Variants in HERC1 observed in about 807,000 individuals in gnomAD.
HERC1 encodes HECT and RLD domain containing E3 ubiquitin protein ligase family member 1.
A neutral mutation model predicts 554.3 loss-of-function variants in HERC1; 160 were observed. That is an observed-to-expected ratio of 0.29 (90% CI 0.25 to 0.33). The LOEUF (loss-of-function observed/expected upper bound fraction) is 0.33, where lower values mean the gene tolerates loss of function less well. Ranked by LOEUF, HERC1 falls within the 10% of genes least tolerant of loss-of-function variation. The pLI is 1.00. For missense variants in HERC1, 4,919 were observed against 5,918.5 expected (o/e 0.83, Z 5.54); for synonymous variants, 2,175 against 2,131.7 (o/e 1.02, Z -0.56).
Position 63,718,192 on chromosome 15 carries a change from A to T in HERC1, c.3978+382T>A, listed in dbSNP as rs548686050. On this transcript the variant is annotated intron_variant, in intron 21 of 77. Transcript: ENST00000443617. The surrounding 1 kb of genome is among the most constrained non-coding windows in gnomAD (Gnocchi z 4.2). ...ATACTTTCTAGTCCTTCTATGACAT[A>T]ATTTTTGGACTTTATCAATCCAAGG... is the stretch of plus-strand genomic sequence containing the variant. Among the ~76,000 whole-genome samples, 1 of 151,760 alleles carries T rather than the reference A, an allele frequency of 6.6e-6. No homozygotes were observed. The highest frequency in any genetic ancestry group is 1.5e-5 in the Non-Finnish European group (1 of 67,978).
chr15:63,616,546 A>C lies in HERC1; in HGVS notation c.13825T>G (p.Cys4609Gly), dbSNP rs1566941186. The change falls in exon 75 of 78, where the codon TGC becomes GGC. Residue 4609 changes from cysteine to glycine, a missense_variant. By Grantham distance (159) the Cys-to-Gly change is radical. Transcript: ENST00000443617. The stretch of plus-strand genomic sequence containing the variant: ...TCCTCTAGGGTGAGTGGGACACAGC[A>C]CAGCTGCTTCCACACCAGAGGGGCC... ...HLAPLVWKQL[C>G]CVPLTLEDLE... is the part of the protein sequence containing the mutation. 3 of 1,613,902 alleles carry C rather than the reference A, an allele frequency of 1.9e-6. No homozygotes were observed. Among genetic ancestry groups the C allele is most frequent in the Non-Finnish European group, 2.5e-6 (3 of 1,179,898 alleles).
At chr15:63,807,600 C>G (rs1193538408) in intron 1 of HERC1, among the ~76,000 whole-genome samples, 2 of 152,192 alleles carry the variant, frequency 1.3e-5, no homozygotes, top group Non-Finnish European at 2.9e-5. Flanking sequence ...TATTTCCTGT[C>G]AGGACCCTCA....
chr15:63,632,539 T>C, intron 68 of HERC1, 170 bp downstream of exon 68: 1 of 686,960 alleles, frequency 1.5e-6, no homozygotes, highest in Admixed American at 2.1e-5. Flanking sequence ...GTCTTTATAA[T>C]AAAGCACATG....
intron 19 of HERC1, among the ~76,000 whole-genome samples, chr15:63,721,819 T>C (rs1260654993): frequency 3.3e-5 from 5 of 152,178 alleles, no homozygotes; most frequent in Admixed American, 3.3e-4. Context: ...AGAAATCAGG[T>C]ACAGCCTTTG....
intron 24 of HERC1, among the ~76,000 whole-genome samples, chr15:63,708,938 T>C (rs1010772814): frequency 2.6e-5 from 4 of 152,208 alleles, no homozygotes; most frequent in Admixed American, 6.5e-5. Context: ...GTCTTTTCCA[T>C]CTTTTGACAC....
chr15:63,775,292 T>A lies in HERC1; in HGVS notation c.332A>T (p.Gln111Leu), dbSNP rs1276137644. 1 of 1,614,016 alleles carries A rather than the reference T, an allele frequency of 6.2e-7. No individual in the cohort carries two copies. Among genetic ancestry groups the A allele is most frequent in the African/African-American group, 1.3e-5 (1 of 75,064 alleles). ...GALRKRLLVL[Q>L]RVFYALSNKY... ...ATTAGAAAGTGCATAAAAGACACGCTGGAGTACAAGCAGTCGTTTTCTAAG... is the reference window on the plus strand; with the variant it reads ...ATTAGAAAGTGCATAAAAGACACGCAGGAGTACAAGCAGTCGTTTTCTAAG... Residue 111 changes from glutamine to leucine, a missense_variant, in exon 2 of 78, where the codon CAG becomes CTG. By Grantham distance (113) the Gln-to-Leu change is moderately radical. Transcript: ENST00000443617. The surrounding 1 kb of genome is among the most constrained non-coding windows in gnomAD (Gnocchi z 4.0).
At position 63,747,745 on chromosome 15, in the gene HERC1, G is replaced by A; in HGVS notation, c.2333C>T (p.Pro778Leu). 1.9e-6 allele frequency: 3 copies of A among 1,548,864 alleles called. No homozygotes were observed. Among genetic ancestry groups the A allele is most frequent in the Non-Finnish European group, 2.6e-6 (3 of 1,144,710 alleles). ...ATACCTTGATGAAGGGAAAGGGAGTGGGGGAATCTCACTGTTTATTTTATC... is the reference window on the plus strand; with the variant it reads ...ATACCTTGATGAAGGGAAAGGGAGTAGGGGAATCTCACTGTTTATTTTATC... ...YCDKINSEIP[P>L]LPFPSSREHH... The change falls in exon 11 of 78, where the codon CCA (proline) becomes CTA (leucine). Residue 778 changes from proline to leucine, a missense_variant. Physicochemically the swap from Pro to Leu is moderately conservative, Grantham distance 98. This residue lies in a region of HERC1 where 744 missense variants were observed against 1,090.0 expected (regional missense o/e 0.68). Coordinates refer to ENST00000443617, the MANE Select transcript of HERC1 (RefSeq NM_003922.4).
At chr15:63,668,939 T>C (rs537193538) in intron 40 of HERC1, among the ~76,000 whole-genome samples, 12 of 152,328 alleles carry the variant, frequency 7.9e-5, no homozygotes, top group Admixed American at 7.2e-4. Context: ...AAACAATTTA[T>C]AGAACACTCA....
chr15:63,691,717 C>A (rs865783833), intron 31 of HERC1, among the ~76,000 whole-genome samples: 1 of 151,404 alleles, frequency 6.6e-6, no homozygotes, highest in Non-Finnish European at 1.5e-5. Context: ...TATAAAATAC[C>A]ATGTGCCGTA....
At chr15:63,653,195 C>A (rs950126312) in intron 51 of HERC1, among the ~76,000 whole-genome samples, 1 of 152,156 alleles carries the variant, frequency 6.6e-6, no homozygotes, top group African/African-American at 2.4e-5. Context: ...AATCCCAGCA[C>A]TGTGGGAGGC....
chr15:63,829,263 T>TA (rs200246221), intron 1 of HERC1, among the ~76,000 whole-genome samples: 6 of 149,540 alleles, frequency 4.0e-5, no homozygotes, highest in East Asian at 2.0e-4. Context: ...TACTAAAAAT[T>TA]AAAAAAAAAT....
chr15:63,749,593 A>T lies in HERC1; in HGVS notation c.2047+54T>A. ...AAGAAAAGCCAAATTCAAATGTAAT[A>T]TATTTACACAAGACAACAGTTAATA... On this transcript the variant is annotated intron_variant, in intron 9 of 77. Transcript: ENST00000443617. The surrounding 1 kb of genome is among the most constrained non-coding windows in gnomAD (Gnocchi z 4.1). The T allele has an allele frequency of 6.3e-7, 1 of 1,575,948 alleles. No individual in the cohort carries two copies. The highest frequency in any genetic ancestry group is 8.6e-7 in the Non-Finnish European group (1 of 1,161,626).
At chr15:63,636,220 C>T (rs2068770540) in intron 64 of HERC1, 78 bp from the exon 65 acceptor site, 1 of 1,299,056 alleles carries the variant, frequency 7.7e-7, no homozygotes, top group African/African-American at 1.5e-5. Flanking sequence ...TACTGAATAC[C>T]CTCAATCAAA....
intron 48 of HERC1, among the ~76,000 whole-genome samples, chr15:63,656,964 ATGGGGCTAT>A (rs2070074828): frequency 6.6e-6 from 1 of 152,186 alleles, no homozygotes; most frequent in Admixed American, 6.5e-5. Flanking sequence ...GGTTTCCAAC[ATGGGGCTAT>A]TATGAATAGT....
intron 12 of HERC1, among the ~76,000 whole-genome samples, chr15:63,744,110 C>CTGTGTG (rs142936354): frequency 0.018 from 1,686 of 91,392 alleles, 21 homozygotes; most frequent in East Asian, 0.053. Context: ...CCCAAACAGA[C>CTGTGTG]TGTGTGTGTG....
chr15:63,745,825 A>G (rs2075035466), intron 12 of HERC1, among the ~76,000 whole-genome samples: 1 of 152,168 alleles, frequency 6.6e-6, no homozygotes, highest in Admixed American at 6.5e-5. Flanking sequence ...CTATTCCACC[A>G]TCTTGCTCTG....
intron 2 of HERC1, among the ~76,000 whole-genome samples, chr15:63,767,858 T>A (rs1443358700): frequency 6.6e-6 from 1 of 152,222 alleles, no homozygotes; most frequent in Admixed American, 6.5e-5. Flanking sequence ...ATGAAGTCCA[T>A]GTGAATGACT....
chr15:63,779,937 C>G lies in HERC1; in HGVS notation c.-26-4288G>C, dbSNP rs554721112. On this transcript the variant is annotated intron_variant, in intron 1 of 77. Coordinates refer to ENST00000443617, the MANE Select transcript of HERC1 (RefSeq NM_003922.4). ...GCAGAGGCAGGAGAATCGCTCGAACCCGGGAGGTGGAGGTTGCAGTGAGCC... is the reference window on the plus strand; with the variant it reads ...GCAGAGGCAGGAGAATCGCTCGAACGCGGGAGGTGGAGGTTGCAGTGAGCC... 2.7e-5 allele frequency: 4 copies of G among 147,864 alleles called. No individual in the cohort carries two copies. In the South Asian group the frequency reaches 8.5e-4, roughly 31 times the overall value. The allele number at this position is 147,864 out of a possible 1,614,324, so 9.2% of individuals were successfully genotyped here.
chr15:63,623,212 G>C (rs916905993), intron 73 of HERC1, among the ~76,000 whole-genome samples: 1 of 152,136 alleles, frequency 6.6e-6, no homozygotes, highest in Admixed American at 6.5e-5. Context: ...TTAGTCACAG[G>C]GTTTACTGGA....
Sources: gnomAD v4.1 joint callset for allele counts (sites outside exome capture counted in the v4.1 genomes callset) on GRCh38, gnomAD v4.1.1 for gene constraint, gnomAD v4.1.1 regional missense constraint, Gnocchi (gnomAD v3.1) non-coding constraint, MANE v1.5 for transcripts, NCBI Gene and HGNC (gene_info 2026-07-23, HGNC 2026-07-21) for gene names.